Variants in PHF11 observed in about 807,000 individuals in gnomAD.
The protein encoded by PHF11 is BRCA1 C-terminus-associated protein.
In PHF11, 38 loss-of-function variants were observed where a neutral mutation model predicts 40.5. The ratio of observed to expected loss-of-function variants is 0.94; its 90% CI spans 0.72 to 1.23. The LOEUF is 1.23. Among genes scored for constraint, PHF11 ranks in the 50% most tolerant of loss-of-function variants. The pLI is 0.00. For synonymous variants in PHF11, 127 were observed against 138.2 expected (o/e 0.92, Z 0.57); for missense variants, 369 against 392.4 (o/e 0.94, Z 0.50).
chr13:49,526,438 C>T lies in PHF11; in HGVS notation c.821C>T (p.Thr274Ile). 1 of 1,605,118 alleles carries T rather than the reference C, an allele frequency of 6.2e-7. No homozygotes were observed. Among genetic ancestry groups the T allele is most frequent in the African/African-American group, 1.3e-5 (1 of 74,826 alleles). Residue 274 changes from threonine to isoleucine, a missense_variant, in exon 9 of 10, where the codon ACA (threonine) becomes ATA (isoleucine). Thr to Ile is a moderately conservative substitution (Grantham distance 89). Coordinates refer to ENST00000378319, the MANE Select transcript of PHF11 (RefSeq NM_001040443.3). ...ALFDCRLFEDTFVNFQAAIEK... is the reference protein window; with the variant it reads ...ALFDCRLFEDIFVNFQAAIEK... ...TTTGACTGTAGATTGTTCGAAGACACATTTGTAAATTTTCAAGCAGGTATA... is the reference window on the plus strand; with the variant it reads ...TTTGACTGTAGATTGTTCGAAGACATATTTGTAAATTTTCAAGCAGGTATA...
Position 49,496,030 on chromosome 13 carries a change from AG to A in PHF11, c.30del (p.Arg11GlyfsTer55). 1 of 1,443,322 alleles carries A rather than the reference AG, an allele frequency of 6.9e-7. No homozygotes were observed. Among genetic ancestry groups the A allele is most frequent in the Non-Finnish European group, 9.1e-7 (1 of 1,100,494 alleles). 89.4% of individuals were successfully genotyped at this position (1,443,322 alleles called of 1,614,324 possible). A position where few individuals can be genotyped will look rare whatever the true frequency, so the allele number is the denominator to read the frequency against. On this transcript the variant is annotated frameshift_variant, in exon 1 of 10. Transcript: ENST00000378319. LOFTEE classifies it high-confidence loss of function. Reference protein sequence around the residue: MAQASPPRPERVLGASSPEA... With the variant: MAQASPPRPXRVLGASSPEA... ...GCCCAGGCGTCGCCGCCCCGGCCCG[AG>A]AGGGTGCTCGGCGCCAGCAGCCCGG... is the stretch of plus-strand genomic sequence containing the variant.
intron 1 of PHF11, among the ~76,000 whole-genome samples, chr13:49,506,227 G>A (rs1346633691): frequency 6.7e-6 from 1 of 148,908 alleles, no homozygotes; most frequent in Non-Finnish European, 1.5e-5. Context: ...GCAAGACCCC[G>A]GTCTCTAAAA....
At chr13:49,502,946 G>C (rs1419584529) in intron 1 of PHF11, among the ~76,000 whole-genome samples, 1 of 151,902 alleles carries the variant, frequency 6.6e-6, no homozygotes, top group Non-Finnish European at 1.5e-5. Context: ...GGATGGTCTC[G>C]ATCTCCTGAT....
intron 8 of PHF11, among the ~76,000 whole-genome samples, chr13:49,525,066 A>T (rs1411157023): frequency 6.6e-6 from 1 of 152,152 alleles, no homozygotes. Flanking sequence ...TCTATTCCTT[A>T]ATAAGCCAAG....
At chr13:49,496,494 G>T in intron 1 of PHF11, 1 of 991,894 alleles carries the variant, frequency 1.0e-6, no homozygotes, top group Non-Finnish European at 1.2e-6. Context: ...TGAGGCAGGG[G>T]GCGGCCCTGA....
intron 1 of PHF11, 86 bp downstream of exon 1, chr13:49,496,181 G>A: frequency 4.6e-6 from 4 of 860,924 alleles, no homozygotes; most frequent in Non-Finnish European, 6.2e-6. Context: ...GGTCGTGGCC[G>A]CATGGGGGCC....
In PHF11 at chr13:49,518,154, ATTTAAT is replaced by A. The variant is rs960671226; in HGVS notation, c.458+4_458+9del. The A allele has an allele frequency of 6.3e-7, 1 of 1,578,042 alleles. No individual in the cohort carries two copies. Among genetic ancestry groups the A allele is most frequent in the African/African-American group, 1.4e-5 (1 of 73,604 alleles). On this transcript the variant is annotated splice_donor_5th_base_variant and intron_variant, in intron 4 of 9. Transcript: ENST00000378319. ...GATGGAGTTCGAGGAATTTATAAGTATTTAATAAAACATTTTTAAAACCACATTTGG... is the reference window on the plus strand; with the variant it reads ...GATGGAGTTCGAGGAATTTATAAGTAAAAACATTTTTAAAACCACATTTGG...
rs781656818 is a variant in PHF11, at chr13:49,523,257, T to TGG, written c.637+17_637+18insGG. The TGG allele has an allele frequency of 8.3e-6, 13 of 1,568,116 alleles. No individual in the cohort carries two copies. In the Admixed American group the frequency reaches 8.4e-5, roughly 10 times the overall value. The stretch of plus-strand genomic sequence containing the variant: ...AGACACACAGGTTTGCGCTAAGTGT[T>TGG]GTCTGTAACAAATATGGCCTACAAT... On this transcript the variant is annotated intron_variant, in intron 7 of 9. Transcript: ENST00000378319.
At position 49,497,218 on chromosome 13, in the gene PHF11, G is replaced by A. The variant is rs527294826; in HGVS notation, c.94+1123G>A. On this transcript the variant is annotated intron_variant, in intron 1 of 9. Coordinates refer to ENST00000378319, the MANE Select transcript of PHF11 (RefSeq NM_001040443.3). ...CATTGGTATACATATGGACTGTAAG[G>A]TAAGTCACGGGAGATGCGCTTCCAT... 142 of 1,287,380 alleles carry A rather than the reference G, an allele frequency of 1.1e-4. 6 individuals are homozygous for A. The South Asian group carries it at 1.7e-3, about 15-fold the overall frequency. The allele number at this position is 1,287,380 out of a possible 1,614,324, so 79.7% of individuals were successfully genotyped here.
chr13:49,509,308 G>A (rs1959052392), intron 2 of PHF11, among the ~76,000 whole-genome samples: 1 of 151,820 alleles, frequency 6.6e-6, no homozygotes, highest in Non-Finnish European at 1.5e-5. Flanking sequence ...CACTTCCCAG[G>A]TTCAAGCGAT....
At chr13:49,506,595 ATTCCACT>A in intron 1 of PHF11, 33 bp from the exon 2 acceptor site, 2 of 1,607,668 alleles carry the variant, frequency 1.2e-6, no homozygotes, top group Non-Finnish European at 1.7e-6. Context: ...AGACCAAGAA[ATTCCACT>A]TTTCCATTTC....
intron 1 of PHF11, 40 bp from the exon 2 acceptor site, chr13:49,506,595 A>C (rs1393926842): frequency 1.2e-6 from 2 of 1,607,550 alleles, no homozygotes; most frequent in African/African-American, 1.3e-5. Flanking sequence ...AGACCAAGAA[A>C]TTCCACTTTT....
chr13:49,517,871 A>G, intron 3 of PHF11, 147 bp from the exon 4 acceptor site: 1 of 569,554 alleles, frequency 1.8e-6, no homozygotes, highest in African/African-American at 1.9e-5. Context: ...ACTGTACCCT[A>G]ATGTTTGTAA....
Position 49,518,090 on chromosome 13 carries a change from T to C in PHF11, c.397T>C (p.Phe133Leu). 2 of 1,604,022 alleles carry C rather than the reference T, an allele frequency of 1.2e-6. No individual in the cohort carries two copies. The highest frequency in any genetic ancestry group is 1.7e-6 in the Non-Finnish European group (2 of 1,171,610). The change falls in exon 4 of 10, where the codon TTT (phenylalanine) becomes CTT (leucine). Residue 133 changes from phenylalanine (F) to leucine (L), a missense_variant. Transcript: ENST00000378319. The part of the protein sequence containing the change: ...DLKNCNKNYH[F>L]FCAKKDDAVP... ...AAAAAACTGTAACAAGAATTACCAC[T>C]TTTTCTGTGCCAAGAAGGACGACGC...
chr13:49,507,048 T>C (rs532499853), intron 2 of PHF11, among the ~76,000 whole-genome samples: 36 of 151,848 alleles, frequency 2.4e-4, no homozygotes, highest in African/African-American at 7.0e-4. Flanking sequence ...GGACTACAGG[T>C]GCCCGCCACC....
chr13:49,527,622 A>G (rs1959363408), intron 9 of PHF11, among the ~76,000 whole-genome samples: 1 of 152,244 alleles, frequency 6.6e-6, no homozygotes, highest in Non-Finnish European at 1.5e-5. Flanking sequence ...AATATATAGC[A>G]GTATCCATAT....
At chr13:49,522,759 G>GTT (rs34691109) in intron 6 of PHF11, among the ~76,000 whole-genome samples, 2 of 31,760 alleles carry the variant, frequency 6.3e-5, no homozygotes, top group African/African-American at 1.9e-4. Flanking sequence ...TGAATATGGG[G>GTT]TTTTTTTGTT....
At chr13:49,496,244 G>T (rs1958805634) in intron 1 of PHF11, 149 bp downstream of exon 1, 3 of 648,198 alleles carry the variant, frequency 4.6e-6, no homozygotes, top group Non-Finnish European at 6.5e-6. Context: ...GGCGCTGGAC[G>T]AACTTGGCTC....
At chr13:49,520,555 G>C (rs952526394) in intron 4 of PHF11, among the ~76,000 whole-genome samples, 1 of 152,182 alleles carries the variant, frequency 6.6e-6, no homozygotes, top group East Asian at 1.9e-4. Flanking sequence ...ATGGAAATCT[G>C]CATGTCTTAG....
Sources: allele counts gnomAD v4.1 joint callset (sites outside exome capture counted in the v4.1 genomes callset), GRCh38; gene constraint gnomAD v4.1.1; transcripts MANE v1.5; gene names NCBI Gene and HGNC (gene_info 2026-07-23, HGNC 2026-07-21).